The following SLC27A1 variants were observed in gnomAD, a reference collection of about 807,000 sequenced individuals.
The protein encoded by SLC27A1 is solute carrier family 27 member 1, also known as long-chain fatty acid transport protein 1.
A neutral mutation model predicts 62.2 loss-of-function variants in SLC27A1; 61 were observed. The observed-to-expected ratio is 0.98, with a 90% CI of 0.80 to 1.21. SLC27A1 has a LOEUF of 1.21. Among genes scored for constraint, SLC27A1 ranks in the 50% most tolerant of loss-of-function variants. The probability of loss-of-function intolerance (pLI) is 0.00; values close to 1 mark genes in which losing one functional copy is unlikely to be tolerated. For synonymous variants in SLC27A1, 435 were observed against 408.6 expected (o/e 1.06, Z -0.78); for missense variants, 903 against 932.1 (o/e 0.97, Z 0.41).
intron 1 of SLC27A1, among the ~76,000 whole-genome samples, chr19:17,471,770 C>T (rs898273458): frequency 6.6e-6 from 1 of 152,186 alleles, no homozygotes; most frequent in Admixed American, 6.5e-5. Flanking sequence ...CTTCTGCATG[C>T]CATGGCCCCC....
chr19:17,469,943 C>T (rs753091292), upstream of SLC27A1, among the ~76,000 whole-genome samples: 2 of 134,900 alleles, frequency 1.5e-5, no homozygotes, highest in Non-Finnish European at 3.2e-5. Context: ...GGGGGTGGGG[C>T]CTGGCTGAGA....
At position 17,497,066 on chromosome 19, in the gene SLC27A1, A is replaced by C; in HGVS notation, c.997-189A>C. The C allele has an allele frequency of 7.4e-6, 4 of 537,608 alleles. No individual in the cohort carries two copies. In the South Asian group the frequency reaches 1.1e-4, roughly 14 times the overall value. The allele number at this position is 537,608 out of a possible 1,614,324, so 33.3% of individuals were successfully genotyped here. On this transcript the variant is annotated intron_variant, in intron 6 of 11. Coordinates refer to ENST00000252595, the MANE Select transcript of SLC27A1 (RefSeq NM_198580.3). ...CTGCATCCTAGACCCTTTGCAAGAGACTGAACGAGTCCTAGGAGTCAATGT... is the reference window on the plus strand; with the variant it reads ...CTGCATCCTAGACCCTTTGCAAGAGCCTGAACGAGTCCTAGGAGTCAATGT...
At chr19:17,497,585 C>A in intron 7 of SLC27A1, 121 bp downstream of exon 7, 3 of 899,462 alleles carry the variant, frequency 3.3e-6, no homozygotes, top group Non-Finnish European at 5.2e-6. Flanking sequence ...TCCGCCAAGG[C>A]GCACGCAGGG....
Position 17,490,299 on chromosome 19 carries a change from G to A in SLC27A1, c.996+1182G>A, listed in dbSNP as rs192450832. 5.2e-3 allele frequency among the ~76,000 whole-genome samples: 797 copies of A among 151,898 alleles called. 3 individuals are homozygous for A. The highest frequency in any genetic ancestry group is 0.013 in the South Asian group (64 of 4,810). ...CCCAAGTAGCTGGGACTACAGGTGCGCACCACCACGCCTGGCCCACTTTTG... is the reference window on the plus strand; with the variant it reads ...CCCAAGTAGCTGGGACTACAGGTGCACACCACCACGCCTGGCCCACTTTTG... On this transcript the variant is annotated intron_variant, in intron 6 of 11. Coordinates refer to ENST00000252595, the MANE Select transcript of SLC27A1 (RefSeq NM_198580.3).
intron 1 of SLC27A1, among the ~76,000 whole-genome samples, chr19:17,483,028 A>T (rs1767595295): frequency 6.6e-6 from 1 of 152,014 alleles, no homozygotes; most frequent in Admixed American, 6.6e-5. Flanking sequence ...GAATGAGGGA[A>T]TGAGTGAAGG....
intron 6 of SLC27A1, among the ~76,000 whole-genome samples, chr19:17,492,900 A>T (rs1311719833): frequency 1.3e-5 from 2 of 151,732 alleles, no homozygotes; most frequent in Admixed American, 6.6e-5. Context: ...AGATTGTGCC[A>T]TTGCACTCCA....
intron 6 of SLC27A1, chr19:17,495,283 AT>A (rs71874067): frequency 2.2e-4 from 29 of 129,880 alleles, no homozygotes; most frequent in East Asian, 4.8e-4. Flanking sequence ...CCATGTGCCC[AT>A]TTTTTTTTTT....
rs759102985 is a variant in SLC27A1 at position 17,487,210 on chromosome 19, T to G, written c.599T>G (p.Leu200Trp). Residue 200 changes from leucine to tryptophan, a missense_variant, in exon 3 of 12, where the codon TTG becomes TGG. Leu to Trp is a moderately conservative substitution (Grantham distance 61). Coordinates refer to ENST00000252595, the MANE Select transcript of SLC27A1 (RefSeq NM_198580.3). ...AEVSGHLGKS[L>W]IKFCSGDLGP... is the part of the protein sequence containing the mutation. ...GTGAGCGGGCATCTGGGGAAAAGTT[T>G]GATCAAGTTCTGCTCTGGAGACTTG... 36 of 1,613,968 alleles carry G rather than the reference T, an allele frequency of 2.2e-5. No homozygotes were observed. Among genetic ancestry groups the G allele is most frequent in the South Asian group, 1.3e-4 (12 of 91,086 alleles).
chr19:17,489,022 G>C lies in SLC27A1; in HGVS notation c.901G>C (p.Val301Leu). The C allele has an allele frequency of 1.2e-6, 2 of 1,614,166 alleles. No individual in the cohort carries two copies. Among genetic ancestry groups the C allele is most frequent in the Non-Finnish European group, 1.7e-6 (2 of 1,180,016 alleles). Reference sequence around the variant, plus strand: ...ACCCTCTGCAGGAAACATCATCGGCGTGGGGCAGTGTCTCATCTATGGGCT... The same window carrying C: ...ACCCTCTGCAGGAAACATCATCGGCCTGGGGCAGTGTCTCATCTATGGGCT... ...LYHSAGNIIG[V>L]GQCLIYGLTV... The change falls in exon 6 of 12, where the codon GTG becomes CTG. Residue 301 changes from valine to leucine, a missense_variant. Coordinates refer to ENST00000252595, the MANE Select transcript of SLC27A1 (RefSeq NM_198580.3).
chr19:17,488,373 T>G (rs902599761), intron 4 of SLC27A1, among the ~76,000 whole-genome samples: 1 of 151,944 alleles, frequency 6.6e-6, no homozygotes, highest in African/African-American at 2.4e-5. Flanking sequence ...AAGAAACAAA[T>G]AACAAACAAA....
rs765097324 is a variant in SLC27A1 at position 17,488,935 on chromosome 19, G to C, written c.882G>C (p.Ser294=). The C allele has an allele frequency of 6.2e-7, 1 of 1,614,112 alleles. No individual in the cohort carries two copies. ...VLYDCLPLYH[S]AGNIIGVGQC... ...ATGACTGCCTGCCCCTGTACCACTC[G>C]GCAGGTACTACGGCCTGGGTAGGGA... The change falls in exon 5 of 12, where the codon TCG becomes TCC. Residue 294 remains serine, a synonymous_variant. Coordinates refer to ENST00000252595, the MANE Select transcript of SLC27A1 (RefSeq NM_198580.3).
chr19:17,476,108 G>A (rs978718408), intron 1 of SLC27A1, among the ~76,000 whole-genome samples: 1 of 152,142 alleles, frequency 6.6e-6, no homozygotes, highest in African/African-American at 2.4e-5. Flanking sequence ...ACTGGCAGGG[G>A]CTGTTTCCTG....
At chr19:17,503,885 T>C (rs894719846) in intron 11 of SLC27A1, among the ~76,000 whole-genome samples, 1 of 119,980 alleles carries the variant, frequency 8.3e-6, no homozygotes, top group African/African-American at 3.3e-5. Context: ...TGAGCCGAGA[T>C]CACACCACTG....
At position 17,500,779 on chromosome 19, in the gene SLC27A1, C is replaced by T. The variant is rs1035250290; in HGVS notation, c.1539C>T (p.Arg513=). 1 of 1,613,276 alleles carries T rather than the reference C, an allele frequency of 6.2e-7. No homozygotes were observed. The highest frequency in any genetic ancestry group is 8.5e-7 in the Non-Finnish European group (1 of 1,179,802). ...YFRDRSGDTF[R]WRGENVSTTE... is the part of the protein sequence containing the mutation. ...GGGACCGTAGCGGGGACACCTTCCG[C>T]TGGCGAGGGGAGAACGTCTCCACCA... Residue 513 remains arginine, a synonymous_variant, in exon 10 of 12, where the codon CGC becomes CGT. Transcript: ENST00000252595.
chr19:17,475,121 G>T (rs1173013413), intron 1 of SLC27A1, among the ~76,000 whole-genome samples: 1 of 152,088 alleles, frequency 6.6e-6, no homozygotes, highest in Non-Finnish European at 1.5e-5. Flanking sequence ...CACCACATTG[G>T]CCAGGCTGGT....
At chr19:17,473,687 C>G (rs1428335777) in intron 1 of SLC27A1, among the ~76,000 whole-genome samples, 2 of 152,148 alleles carry the variant, frequency 1.3e-5, no homozygotes, top group African/African-American at 2.4e-5. Context: ...CGTGGCGAAG[C>G]CTTGTCTCTA....
chr19:17,480,077 G>C (rs569509394), intron 1 of SLC27A1, among the ~76,000 whole-genome samples: 30 of 151,604 alleles, frequency 2.0e-4, no homozygotes, highest in South Asian at 8.3e-4. Context: ...ACCCAGGCTG[G>C]AGTGCAGTGG....
At chr19:17,485,641 C>T (rs1157777721) in intron 1 of SLC27A1, among the ~76,000 whole-genome samples, 5 of 151,720 alleles carry the variant, frequency 3.3e-5, no homozygotes, top group Non-Finnish European at 7.4e-5. Flanking sequence ...ACCAGCCTGA[C>T]CAATATGATG....
intron 1 of SLC27A1, among the ~76,000 whole-genome samples, chr19:17,477,955 C>A (rs1953914218): frequency 6.6e-6 from 1 of 152,092 alleles, no homozygotes; most frequent in Admixed American, 6.6e-5. Flanking sequence ...CTCAAATAGT[C>A]CCCCTGTCTT....
Sources: gnomAD v4.1 joint callset for allele counts (sites outside exome capture counted in the v4.1 genomes callset) on GRCh38, gnomAD v4.1.1 for gene constraint, MANE v1.5 for transcripts, NCBI Gene and HGNC (gene_info 2026-07-23, HGNC 2026-07-21) for gene names.